DOCK3: variants seen among roughly 807,000 people sequenced by gnomAD.
DOCK3 encodes the protein dedicator of cytokinesis 3, also known as dedicator of cytokinesis protein 3.
DOCK3 carries 60 observed loss-of-function variants against 265.6 expected under a neutral mutation model. The ratio of observed to expected loss-of-function variants is 0.23; its 90% CI spans 0.18 to 0.28. The LOEUF is 0.28. Ranked by LOEUF, DOCK3 falls within the 10% of genes least tolerant of loss-of-function variation. The probability of loss-of-function intolerance (pLI) is 1.00; values close to 1 mark genes in which losing one functional copy is unlikely to be tolerated. For missense variants in DOCK3, 1,981 were observed against 2,594.3 expected (o/e 0.76, Z 5.14); for synonymous variants, 881 against 938.0 (o/e 0.94, Z 1.11).
intron 5 of DOCK3, among the ~76,000 whole-genome samples, chr3:51,003,864 A>G (rs1466188927): frequency 1.3e-5 from 2 of 152,140 alleles, no homozygotes; most frequent in Non-Finnish European, 2.9e-5. Flanking sequence ...TGGGGGAAAA[A>G]CTGCTAGCCA....
chr3:50,908,176 A>ATT (rs34822979), intron 4 of DOCK3, among the ~76,000 whole-genome samples: 3,033 of 103,026 alleles, frequency 0.029, 155 homozygotes, highest in African/African-American at 0.096. Context: ...AGATTCATTG[A>ATT]TTTTTTTTTT....
chr3:51,141,848 ACT>A (rs1201851644), intron 9 of DOCK3, among the ~76,000 whole-genome samples: 6 of 151,490 alleles, frequency 4.0e-5, no homozygotes, highest in Non-Finnish European at 7.4e-5. Context: ...AATTGTCTTG[ACT>A]CTATGTTTTT....
chr3:50,841,625 T>C (rs748623058), intron 2 of DOCK3, 50 bp from the exon 3 acceptor site: 1 of 848,180 alleles, frequency 1.2e-6, no homozygotes, highest in Non-Finnish European at 1.7e-6. Flanking sequence ...ATTGTGTCTC[T>C]TATTGAACAT....
At chr3:50,924,815 G>A (rs985761973) in intron 4 of DOCK3, among the ~76,000 whole-genome samples, 4 of 152,206 alleles carry the variant, frequency 2.6e-5, no homozygotes, top group Non-Finnish European at 5.9e-5. Flanking sequence ...TTTCAGGATG[G>A]CTGGGAAAGT....
chr3:51,373,549 G>A (rs2087848621), intron 49 of DOCK3, among the ~76,000 whole-genome samples: 1 of 152,142 alleles, frequency 6.6e-6, no homozygotes, highest in African/African-American at 2.4e-5. Context: ...TGCTTCTGTG[G>A]AAGATCTTCT....
At chr3:50,863,454 G>C in intron 3 of DOCK3, 1 of 519,950 alleles carries the variant, frequency 1.9e-6, no homozygotes, top group South Asian at 1.4e-5. Context: ...GTGATTCATA[G>C]AATGTTACAA....
chr3:50,845,493 T>A (rs2046037130), intron 3 of DOCK3, among the ~76,000 whole-genome samples: 1 of 152,088 alleles, frequency 6.6e-6, no homozygotes, highest in Admixed American at 6.6e-5. Context: ...GCAAGACATA[T>A]TCATGGAATA....
intron 5 of DOCK3, among the ~76,000 whole-genome samples, chr3:51,035,247 T>C (rs1343195671): frequency 6.6e-6 from 1 of 152,096 alleles, no homozygotes; most frequent in African/African-American, 2.4e-5. Flanking sequence ...TGTTAGATAT[T>C]TTAAATTTTT....
rs181217403 is a variant in DOCK3, at chr3:50,919,037, T to C, written c.219-14944T>C. ...TAGGGAATCCTTTCCCCATTTCTTG[T>C]TTTTGTCAGGTTTGTCAAGGATCAG... On this transcript the variant is annotated intron_variant, in intron 4 of 52. Transcript: ENST00000266037. Among the ~76,000 whole-genome samples, 462 of 152,310 alleles carry C rather than the reference T, an allele frequency of 3.0e-3. 3 individuals carry two copies. The highest frequency in any genetic ancestry group is 0.011 in the African/African-American group (449 of 41,574).
At chr3:50,884,078 G>C (rs898027975) in intron 3 of DOCK3, among the ~76,000 whole-genome samples, 2 of 151,422 alleles carry the variant, frequency 1.3e-5, no homozygotes, top group African/African-American at 4.9e-5. Context: ...TTCACTGCAA[G>C]TATATACCAT....
At chr3:50,924,069 A>C (rs1246055782) in intron 4 of DOCK3, among the ~76,000 whole-genome samples, 4 of 152,186 alleles carry the variant, frequency 2.6e-5, no homozygotes, top group African/African-American at 7.2e-5. Context: ...CCTCATGGGA[A>C]TCTCAGCTTC....
intron 5 of DOCK3, among the ~76,000 whole-genome samples, chr3:50,936,942 T>A (rs1337884760): frequency 6.6e-6 from 1 of 152,240 alleles, no homozygotes; most frequent in Non-Finnish European, 1.5e-5. Context: ...GCAAAAATTA[T>A]AATGTTGATA....
intron 5 of DOCK3, among the ~76,000 whole-genome samples, chr3:51,022,856 G>A (rs2079653473): frequency 6.6e-6 from 1 of 152,090 alleles, no homozygotes; most frequent in Non-Finnish European, 1.5e-5. Flanking sequence ...GTTAATTTTT[G>A]TATATGGTGA....
At chr3:51,338,876 C>A in intron 36 of DOCK3, 59 bp from the exon 37 acceptor site, 1 of 1,453,364 alleles carries the variant, frequency 6.9e-7, no homozygotes, top group Non-Finnish European at 9.5e-7. Flanking sequence ...GCCAGCTGCC[C>A]AGAGCTTGGC....
At chr3:50,794,816 T>G (rs1325502878) in intron 2 of DOCK3, among the ~76,000 whole-genome samples, 1 of 152,180 alleles carries the variant, frequency 6.6e-6, no homozygotes, top group Non-Finnish European at 1.5e-5. Flanking sequence ...GTGGTTGCTT[T>G]ATAGTGTTAC....
intron 19 of DOCK3, among the ~76,000 whole-genome samples, chr3:51,234,314 C>T (rs1375416023): frequency 1.3e-5 from 2 of 152,102 alleles, no homozygotes; most frequent in African/African-American, 4.8e-5. Flanking sequence ...CTACTTAGGT[C>T]CTTTTTCCCA....
chr3:50,868,901 GTTTTTTTTTTTTTTT>G, intron 3 of DOCK3, among the ~76,000 whole-genome samples: 1 of 14,294 alleles, frequency 7.0e-5, no homozygotes, highest in Admixed American at 1.3e-3. Flanking sequence ...TGGATAATCT[GTTTTTTTTTTTTTTT>G]TTTTTTTTTT....
chr3:50,945,932 T>G (rs1238261220), intron 5 of DOCK3, among the ~76,000 whole-genome samples: 1 of 151,728 alleles, frequency 6.6e-6, no homozygotes, highest in Non-Finnish European at 1.5e-5. Flanking sequence ...GTTTAAATGA[T>G]ATAAAAAGTT....
At chr3:50,795,355 C>T (rs2042712839) in intron 2 of DOCK3, among the ~76,000 whole-genome samples, 1 of 152,140 alleles carries the variant, frequency 6.6e-6, no homozygotes. Flanking sequence ...CTGTCTCTTT[C>T]AGGGACACCA....
Sources: allele counts gnomAD v4.1 joint callset (sites outside exome capture counted in the v4.1 genomes callset), GRCh38; gene constraint gnomAD v4.1.1; transcripts MANE v1.5; gene names NCBI Gene and HGNC (gene_info 2026-07-23, HGNC 2026-07-21).